The following LONRF1 variants were observed in gnomAD, a reference collection of about 807,000 sequenced individuals.
LONRF1 encodes LON peptidase N-terminal domain and RING finger protein 1.
A neutral mutation model predicts 85.8 loss-of-function variants in LONRF1; 37 were observed. The observed-to-expected ratio is 0.43, with a 90% CI of 0.33 to 0.57. The LOEUF is 0.57. LONRF1 is among the 20% of genes least tolerant of loss of function. LONRF1 has a pLI of 0.04. For synonymous variants in LONRF1, 517 were observed against 390.1 expected (o/e 1.33, Z -3.83); for missense variants, 1,036 against 978.0 (o/e 1.06, Z -0.79).
At chr8:12,745,970 T>G (rs1352931378) in intron 1 of LONRF1, among the ~76,000 whole-genome samples, 2 of 152,156 alleles carry the variant, frequency 1.3e-5, no homozygotes, top group African/African-American at 4.8e-5. Flanking sequence ...TCATCAAATT[T>G]CCAACTGCCT....
intron 10 of LONRF1, among the ~76,000 whole-genome samples, chr8:12,726,745 T>C (rs74865468): frequency 0.022 from 3,348 of 152,278 alleles, 124 homozygotes; most frequent in African/African-American, 0.077. Context: ...CAGCCTTTCA[T>C]ACTTCAAGGA....
rs1799612811 is a variant in LONRF1 at position 12,755,517 on chromosome 8, G to A, written c.-97C>T. 1.9e-6 allele frequency: 1 copy of A among 533,376 alleles called. No individual in the cohort carries two copies. Among genetic ancestry groups the A allele is most frequent in the Admixed American group, 6.5e-5 (1 of 15,366 alleles). The allele number at this position is 533,376 out of a possible 1,614,324, so 33.0% of individuals were successfully genotyped here. A position where few individuals can be genotyped will look rare whatever the true frequency, so the allele number is the denominator to read the frequency against. On this transcript the variant is annotated 5_prime_UTR_variant, in exon 1 of 12. Transcript: ENST00000398246. ...CGCGGCCCGCGAGCAGGGGGGCGTG[G>A]CGCGCGGACACGGCGGGGCTGCGCG...
At chr8:12,754,525 C>A (rs1337928075) in intron 1 of LONRF1, among the ~76,000 whole-genome samples, 175 bp downstream of exon 1, 1 of 151,950 alleles carries the variant, frequency 6.6e-6, no homozygotes, top group Non-Finnish European at 1.5e-5. Context: ...CCGAAGCACC[C>A]CGGGGCGCCG....
At chr8:12,751,294 A>ATTTTTTTTTTTTTTTTTTT (rs1554469328) in intron 1 of LONRF1, among the ~76,000 whole-genome samples, 1 of 84,810 alleles carries the variant, frequency 1.2e-5, no homozygotes, top group Non-Finnish European at 2.3e-5. Context: ...TTTTATTTTT[A>ATTTTTTTTTTTTTTTTTTT]TGTTTTTTTT....
chr8:12,741,114 T>C (rs1027824912), intron 2 of LONRF1, 118 bp from the exon 3 acceptor site: 1 of 1,067,974 alleles, frequency 9.4e-7, no homozygotes, highest in African/African-American at 1.6e-5. Flanking sequence ...CCGGGTGCAG[T>C]AGCTCACGCC....
chr8:12,749,224 T>C (rs940126276), intron 1 of LONRF1, among the ~76,000 whole-genome samples: 3 of 152,190 alleles, frequency 2.0e-5, no homozygotes, highest in African/African-American at 4.8e-5. Context: ...GAGTATTTTC[T>C]ACCTTGTCTT....
chr8:12,723,247 G>T lies in LONRF1; in HGVS notation c.2171C>A (p.Pro724His). Residue 724 changes from proline to histidine, a missense_variant, in exon 12 of 12, where the codon CCT becomes CAT. Physicochemically the swap from Pro to His is moderately conservative, Grantham distance 77. This residue lies in a region of LONRF1 where 265 missense variants were observed against 301.5 expected (regional missense o/e 0.88). Coordinates refer to ENST00000398246, the MANE Select transcript of LONRF1 (RefSeq NM_152271.5). Reference protein sequence around the residue: ...PEREENLQAAPNGPAWCWWLL... With the variant: ...PEREENLQAAHNGPAWCWWLL... Reference sequence around the variant, plus strand: ...CCACCAACACCATGCAGGTCCATTAGGGGCTGCCTAAAAACAATGGACAGT... The same window carrying T: ...CCACCAACACCATGCAGGTCCATTATGGGCTGCCTAAAAACAATGGACAGT... 1 of 1,606,984 alleles carries T rather than the reference G, an allele frequency of 6.2e-7. No homozygotes were observed. Among genetic ancestry groups the T allele is most frequent in the Non-Finnish European group, 8.5e-7 (1 of 1,178,132 alleles).
At chr8:12,726,626 C>G (rs1798317530) in intron 10 of LONRF1, among the ~76,000 whole-genome samples, 1 of 152,210 alleles carries the variant, frequency 6.6e-6, no homozygotes, top group African/African-American at 2.4e-5. Context: ...TTTAACTCAT[C>G]CATCTTATAC....
chr8:12,725,503 G>C (rs1244936298), intron 11 of LONRF1, among the ~76,000 whole-genome samples: 1 of 152,090 alleles, frequency 6.6e-6, no homozygotes, highest in African/African-American at 2.4e-5. Flanking sequence ...TCTCCTACAG[G>C]CATCTCAGCT....
At chr8:12,731,483 G>A (rs1046677893) in intron 8 of LONRF1, among the ~76,000 whole-genome samples, 1 of 151,894 alleles carries the variant, frequency 6.6e-6, no homozygotes, top group Non-Finnish European at 1.5e-5. Context: ...CTGCCTGATG[G>A]CACTGTAGGA....
intron 7 of LONRF1, among the ~76,000 whole-genome samples, chr8:12,732,488 A>T (rs978791765): frequency 3.9e-5 from 6 of 152,130 alleles, no homozygotes; most frequent in African/African-American, 1.4e-4. Context: ...GCTCTATATA[A>T]AATCTTACAT....
At chr8:12,754,550 C>T in intron 1 of LONRF1, 150 bp downstream of exon 1, 1 of 933,054 alleles carries the variant, frequency 1.1e-6, no homozygotes, top group Non-Finnish European at 1.4e-6. Flanking sequence ...CTCCCACACC[C>T]CCCAGCACCC....
intron 1 of LONRF1, among the ~76,000 whole-genome samples, chr8:12,744,876 A>T (rs73202646): frequency 0.062 from 9,413 of 151,588 alleles, 407 homozygotes; most frequent in Non-Finnish European, 0.09. Flanking sequence ...TTGGATTTTT[A>T]TTTTTTTTAA....
chr8:12,753,712 C>T (rs533503027), intron 1 of LONRF1: 1 of 152,230 alleles, frequency 6.6e-6, no homozygotes, highest in African/African-American at 2.4e-5. Context: ...GTAAGAGAAG[C>T]TTGAAACTGC....
Position 12,725,797 on chromosome 8 carries a change from A to C in LONRF1, c.2093T>G (p.Leu698Ter). 1 of 1,613,922 alleles carries C rather than the reference A, an allele frequency of 6.2e-7. No individual in the cohort carries two copies. The highest frequency in any genetic ancestry group is 8.5e-7 in the Non-Finnish European group (1 of 1,179,830). ...YSQACSWFQN[L>*]RDRFRSQILQ... ...AATTTGGCTTCGAAATCTGTCTCTTAAATTCTGAAACCAGCTGCAGGCTTG... is the reference window on the plus strand; with the variant it reads ...AATTTGGCTTCGAAATCTGTCTCTTCAATTCTGAAACCAGCTGCAGGCTTG... The change falls in exon 11 of 12, where the codon TTA becomes TGA. Residue 698 changes from leucine to a stop codon, truncating the protein, a stop_gained. Transcript: ENST00000398246. LOFTEE classifies it high-confidence loss of function.
rs1438790003 is a variant in LONRF1, at chr8:12,755,489, G to T, written c.-69C>A. ...CGGAGCCTCCCGGGCGCGCGGCTCC[G>T]CACGCGGCCCGCGAGCAGGGGGGCG... On this transcript the variant is annotated 5_prime_UTR_variant, in exon 1 of 12. Coordinates refer to ENST00000398246, the MANE Select transcript of LONRF1 (RefSeq NM_152271.5). 2.3e-6 allele frequency: 2 copies of T among 868,694 alleles called. No homozygotes were observed. Among genetic ancestry groups the T allele is most frequent in the Non-Finnish European group, 2.8e-6 (2 of 712,994 alleles). 53.8% of individuals were successfully genotyped at this position (868,694 alleles called of 1,614,324 possible).
At chr8:12,746,298 C>T (rs1399079765) in intron 1 of LONRF1, among the ~76,000 whole-genome samples, 2 of 152,186 alleles carry the variant, frequency 1.3e-5, no homozygotes, top group African/African-American at 4.8e-5. Flanking sequence ...CTGCCCATCT[C>T]TCCAGCCTTA....
chr8:12,747,750 C>A (rs1037083680), intron 1 of LONRF1, among the ~76,000 whole-genome samples: 3 of 47,752 alleles, frequency 6.3e-5, no homozygotes, highest in Non-Finnish European at 1.6e-4. Flanking sequence ...TGACTGAAAT[C>A]TCTCTCTTTT....
At chr8:12,749,834 A>G (rs572082689) in intron 1 of LONRF1, among the ~76,000 whole-genome samples, 1 of 152,246 alleles carries the variant, frequency 6.6e-6, no homozygotes, top group African/African-American at 2.4e-5. Context: ...AGTAAACCCC[A>G]TTTTCTAGGG....
Sources: gnomAD v4.1 joint callset for allele counts (sites outside exome capture counted in the v4.1 genomes callset) on GRCh38, gnomAD v4.1.1 for gene constraint, gnomAD v4.1.1 regional missense constraint, MANE v1.5 for transcripts, NCBI Gene and HGNC (gene_info 2026-07-23, HGNC 2026-07-21) for gene names.